Variants in ADAMTS12 observed in about 807,000 individuals in gnomAD.
The protein encoded by ADAMTS12 is A disintegrin and metalloproteinase with thrombospondin motifs 12.
ADAMTS12 carries 118 observed loss-of-function variants against 167.8 expected under a neutral mutation model. The ratio of observed to expected loss-of-function variants is 0.70; its 90% confidence interval spans 0.61 to 0.82. ADAMTS12 has a LOEUF of 0.82. Ranked by LOEUF, ADAMTS12 falls within the 40% of genes least tolerant of loss-of-function variation. The pLI is 0.00. For missense variants in ADAMTS12, 1,916 were observed against 1,998.8 expected, an observed-to-expected ratio of 0.96 and a Z score of 0.79; for synonymous variants, 704 against 716.9, an observed-to-expected ratio of 0.98 and a Z score of 0.29.
chr5:33,846,708 G>T (rs1195201376), intron 2 of ADAMTS12, among the ~76,000 whole-genome samples: 2 of 152,188 alleles, frequency 1.3e-5, no homozygotes, highest in East Asian at 3.8e-4. Flanking sequence ...TAAACACCTT[G>T]CAGAACACAC....
At chr5:33,589,902 T>C (rs1579713219) in intron 17 of ADAMTS12, among the ~76,000 whole-genome samples, 2 of 152,226 alleles carry the variant, frequency 1.3e-5, no homozygotes, top group East Asian at 3.8e-4. Flanking sequence ...TTCTTTTGAT[T>C]GTGACACTTT....
At chr5:33,568,504 G>A (rs962355402) in intron 19 of ADAMTS12, among the ~76,000 whole-genome samples, 6 of 152,242 alleles carry the variant, frequency 3.9e-5, no homozygotes, top group African/African-American at 1.2e-4. Flanking sequence ...GATCAGAGTG[G>A]GAAGAGACAG....
At chr5:33,628,965 C>T (rs1274363600) in intron 13 of ADAMTS12, among the ~76,000 whole-genome samples, 2 of 152,138 alleles carry the variant, frequency 1.3e-5, no homozygotes, top group Non-Finnish European at 2.9e-5. Flanking sequence ...AGACATCCAA[C>T]TTATAATGGT....
chr5:33,632,486 G>C (rs1212027450), intron 12 of ADAMTS12, among the ~76,000 whole-genome samples: 1 of 152,180 alleles, frequency 6.6e-6, no homozygotes, highest in Non-Finnish European at 1.5e-5. Flanking sequence ...ATAAGGTGCA[G>C]TGGATAAGCT....
intron 3 of ADAMTS12, among the ~76,000 whole-genome samples, chr5:33,718,472 A>G (rs1370468253): frequency 6.6e-6 from 1 of 152,150 alleles, no homozygotes; most frequent in Non-Finnish European, 1.5e-5. Context: ...TCTGCACTGT[A>G]TATCTGAGGG....
chr5:33,792,957 T>C (rs1201006106), intron 2 of ADAMTS12, among the ~76,000 whole-genome samples: 2 of 152,168 alleles, frequency 1.3e-5, no homozygotes, highest in Non-Finnish European at 2.9e-5. Context: ...TCCTCTGTTG[T>C]CTCTTTCCCA....
At chr5:33,741,637 C>CT (rs777653372) in intron 3 of ADAMTS12, among the ~76,000 whole-genome samples, 71 of 151,764 alleles carry the variant, frequency 4.7e-4, no homozygotes, top group Non-Finnish European at 8.4e-4. Context: ...TCCAAACCCA[C>CT]TTTTTTTTGG....
intron 2 of ADAMTS12, among the ~76,000 whole-genome samples, chr5:33,853,842 CA>C (rs1206997239): frequency 6.6e-6 from 1 of 152,148 alleles, no homozygotes; most frequent in Non-Finnish European, 1.5e-5. Flanking sequence ...TTCAGCTGAC[CA>C]GGGGAGGATC....
In ADAMTS12 at chr5:33,733,409, T is replaced by C. The variant is rs1409494836; in HGVS notation, c.634+17995A>G. Among the ~76,000 whole-genome samples the C allele has an allele frequency of 2.6e-5, 4 of 152,208 alleles. No homozygotes were observed. The East Asian group carries it at 7.7e-4, about 29-fold the overall frequency. On this transcript the variant is annotated intron_variant, in intron 3 of 23. Coordinates refer to ENST00000504830, the MANE Select transcript of ADAMTS12 (RefSeq NM_030955.4). ...GCGTGAGCCTGAGCAAGTCAGTTGA[T>C]CTATGCCTCAGTTTTCTCATCTGTG...
At chr5:33,606,107 C>A (rs1388340032) in intron 16 of ADAMTS12, among the ~76,000 whole-genome samples, 2 of 152,102 alleles carry the variant, frequency 1.3e-5, no homozygotes, top group Non-Finnish European at 2.9e-5. Flanking sequence ...ATCACCACGC[C>A]TGGCTAATTT....
chr5:33,791,455 T>C (rs933340720), intron 2 of ADAMTS12, among the ~76,000 whole-genome samples: 2 of 152,210 alleles, frequency 1.3e-5, no homozygotes, highest in African/African-American at 4.8e-5. Flanking sequence ...TTGCTGTGCC[T>C]AGATGCCTTA....
At chr5:33,722,984 G>T (rs1377170604) in intron 3 of ADAMTS12, among the ~76,000 whole-genome samples, 1 of 152,188 alleles carries the variant, frequency 6.6e-6, no homozygotes, top group Non-Finnish European at 1.5e-5. Flanking sequence ...AAAGCAGAGA[G>T]AGTGGGTATG....
intron 9 of ADAMTS12, among the ~76,000 whole-genome samples, chr5:33,644,859 T>C (rs535073492): frequency 6.6e-6 from 1 of 152,058 alleles, no homozygotes; most frequent in East Asian, 1.9e-4. Flanking sequence ...ACCTACTGAG[T>C]AGCTGGGACT....
At chr5:33,767,773 T>C (rs1306803358) in intron 2 of ADAMTS12, among the ~76,000 whole-genome samples, 2 of 150,636 alleles carry the variant, frequency 1.3e-5, no homozygotes, top group Non-Finnish European at 3.0e-5. Flanking sequence ...GAGAAGATGA[T>C]AGGGAGGAAG....
At chr5:33,778,938 C>T (rs1561267090) in intron 2 of ADAMTS12, among the ~76,000 whole-genome samples, 1 of 151,966 alleles carries the variant, frequency 6.6e-6, no homozygotes, top group Non-Finnish European at 1.5e-5. Context: ...AAATGCAAAT[C>T]AAAACCACAA....
chr5:33,576,862 G>A lies in ADAMTS12; in HGVS notation c.3164C>T (p.Thr1055Ile). Residue 1055 changes from threonine to isoleucine, a missense_variant, in exon 19 of 24, where the codon ACA (threonine) becomes ATA (isoleucine). Physicochemically the swap from Thr to Ile is moderately conservative, Grantham distance 89 (BLOSUM62 -1). Coordinates refer to ENST00000504830, the MANE Select transcript of ADAMTS12 (RefSeq NM_030955.4). ...ACCCAGGTCTCCTTCTTTGGAGGCTGTGGTAGGACTAGGGCTGCTGATTGC... is the reference window on the plus strand; with the variant it reads ...ACCCAGGTCTCCTTCTTTGGAGGCTATGGTAGGACTAGGGCTGCTGATTGC... ...TPAISSPSPTTASKEGDLGGK... is the reference protein window; with the variant it reads ...TPAISSPSPTIASKEGDLGGK... 1 of 1,614,220 alleles carries A rather than the reference G, an allele frequency of 6.2e-7. No individual in the cohort carries two copies. The highest frequency in any genetic ancestry group is 8.5e-7 in the Non-Finnish European group (1 of 1,180,038).
intron 2 of ADAMTS12, among the ~76,000 whole-genome samples, chr5:33,778,511 C>A (rs1298781144): frequency 6.7e-6 from 1 of 148,920 alleles, no homozygotes; most frequent in African/African-American, 2.6e-5. Flanking sequence ...ATACCATATA[C>A]AAAAATTAAC....
chr5:33,887,159 A>C (rs937283166), intron 1 of ADAMTS12, among the ~76,000 whole-genome samples: 3 of 151,952 alleles, frequency 2.0e-5, no homozygotes, highest in Non-Finnish European at 2.9e-5. Context: ...ATGGAGAAAT[A>C]GGTGTCAAGA....
chr5:33,769,003 C>T (rs2112422252), intron 2 of ADAMTS12, among the ~76,000 whole-genome samples: 1 of 151,906 alleles, frequency 6.6e-6, no homozygotes, highest in South Asian at 2.1e-4. Flanking sequence ...ATAATCCTTA[C>T]CTTCAGATAG....
Sources: gnomAD v4.1 joint callset for allele counts (sites outside exome capture counted in the v4.1 genomes callset) on GRCh38, gnomAD v4.1.1 for gene constraint, MANE v1.5 for transcripts, NCBI Gene and HGNC (gene_info 2026-07-23, HGNC 2026-07-21) for gene names.